PLA2G4E: variants seen among roughly 807,000 people sequenced by gnomAD.
PLA2G4E encodes cytosolic phospholipase A2 epsilon.
In PLA2G4E, 84 loss-of-function variants were observed where a neutral mutation model predicts 109.1. That is an observed-to-expected ratio of 0.77 (90% CI 0.65 to 0.92). The LOEUF (loss-of-function observed/expected upper bound fraction) is 0.92. Among genes scored for constraint, PLA2G4E ranks in the 40% least tolerant of loss-of-function variants. The probability of loss-of-function intolerance (pLI) is 0.00; values close to 1 mark genes in which losing one functional copy is unlikely to be tolerated. For synonymous variants in PLA2G4E, 469 were observed against 436.1 expected, an observed-to-expected ratio of 1.08 and a Z score of -0.94; for missense variants, 1,057 against 1,076.6, an observed-to-expected ratio of 0.98 and a Z score of 0.25.
chr15:41,988,182 G>T, intron 15 of PLA2G4E, 26 bp from the exon 16 acceptor site: 1 of 1,513,596 alleles, frequency 6.6e-7, no homozygotes, highest in Non-Finnish European at 9.0e-7. Context: ...AGCGTGAGCA[G>T]CTCCACCCTG....
At chr15:42,013,225 G>A (rs950162298) in intron 2 of PLA2G4E, among the ~76,000 whole-genome samples, 5 of 152,214 alleles carry the variant, frequency 3.3e-5, no homozygotes, top group Non-Finnish European at 5.9e-5. Context: ...GTCTTGAGAA[G>A]GGGCTCTGGG....
intron 1 of PLA2G4E, among the ~76,000 whole-genome samples, chr15:42,014,774 C>T (rs190516600): frequency 1.9e-4 from 29 of 152,318 alleles, no homozygotes; most frequent in Admixed American, 1.0e-3. Flanking sequence ...CACTGTTTCT[C>T]GCAAGAGGTC....
At chr15:42,033,077 G>C (rs1391791231) in intron 1 of PLA2G4E, among the ~76,000 whole-genome samples, 1 of 152,112 alleles carries the variant, frequency 6.6e-6, no homozygotes, top group Non-Finnish European at 1.5e-5. Context: ...TGAGTGTGCT[G>C]TGTGAATATA....
chr15:41,985,872 G>A (rs778107140), exon 18 of PLA2G4E: 1 of 1,611,292 alleles, frequency 6.2e-7, no homozygotes, highest in Non-Finnish European at 8.5e-7. Context: ...AGTTGAGGTG[G>A]ATGATGAGGT....
At chr15:41,990,176 C>G in exon 14 of PLA2G4E, 1 of 1,613,696 alleles carries the variant, frequency 6.2e-7, no homozygotes, top group South Asian at 1.1e-5. Flanking sequence ...GGTAGATGGG[C>G]AGGGGGTTCT....
intron 13 of PLA2G4E, among the ~76,000 whole-genome samples, chr15:41,990,726 C>T (rs2068230846): frequency 7.5e-6 from 1 of 133,624 alleles, no homozygotes; most frequent in South Asian, 2.7e-4. Flanking sequence ...CCCTCCCTCC[C>T]TCCCCTCCTC....
In PLA2G4E at chr15:41,999,523, C is replaced by T. The variant is rs1359966778; in HGVS notation, c.974+1G>A. ...GCACGGACAGAATGCGGGTACTATA[C>T]CAGGGTGTAGACTTCATGTGTAATT... On this transcript the variant is annotated splice_donor_variant, in intron 10 of 19. Transcript: ENST00000399518. LOFTEE classifies it high-confidence loss of function. The T allele has an allele frequency of 2.4e-5, 39 of 1,601,456 alleles. No individual in the cohort carries two copies. Among genetic ancestry groups the T allele is most frequent in the Non-Finnish European group, 3.2e-5 (37 of 1,168,814 alleles).
intron 5 of PLA2G4E, among the ~76,000 whole-genome samples, chr15:42,004,414 A>AAGGAAGGC (rs2068453114): frequency 1.1e-5 from 1 of 87,720 alleles, no homozygotes; most frequent in African/African-American, 3.4e-5. Context: ...GGAAAGAAGG[A>AAGGAAGGC]AGGAAGGCAG....
chr15:42,040,093 T>C (rs888629223), intron 1 of PLA2G4E, among the ~76,000 whole-genome samples: 3 of 152,116 alleles, frequency 2.0e-5, no homozygotes, highest in African/African-American at 7.2e-5. Context: ...TCCCAGCACT[T>C]TGGGAGGCCG....
At chr15:42,039,113 A>G (rs997447171) in intron 1 of PLA2G4E, among the ~76,000 whole-genome samples, 12 of 152,092 alleles carry the variant, frequency 7.9e-5, no homozygotes, top group African/African-American at 2.9e-4. Flanking sequence ...TCCCCCACCC[A>G]CTGCCTTCAA....
intron 1 of PLA2G4E, among the ~76,000 whole-genome samples, chr15:42,031,897 C>T (rs916499786): frequency 8.5e-5 from 13 of 152,210 alleles, no homozygotes; most frequent in Non-Finnish European, 1.8e-4. Context: ...CTCCAAATCT[C>T]ATGTTGAAAT....
chr15:42,034,048 G>A (rs1266278384), intron 1 of PLA2G4E, among the ~76,000 whole-genome samples: 2 of 152,196 alleles, frequency 1.3e-5, no homozygotes, highest in African/African-American at 4.8e-5. Context: ...CTGACCCCCT[G>A]TAGTATCTGC....
At chr15:42,009,831 G>C (rs773633776) in intron 2 of PLA2G4E, 37 of 160,746 alleles carry the variant, frequency 2.3e-4, no homozygotes, top group Non-Finnish European at 3.5e-4. Flanking sequence ...CTCCTTGCTA[G>C]CCCCTTGGGA....
At chr15:42,032,464 C>G (rs1476714104) in intron 1 of PLA2G4E, among the ~76,000 whole-genome samples, 1 of 152,220 alleles carries the variant, frequency 6.6e-6, no homozygotes, top group Non-Finnish European at 1.5e-5. Flanking sequence ...CAGATCACGT[C>G]CTGGGTTTGA....
chr15:41,991,686 AG>A (rs1214730919), intron 13 of PLA2G4E, among the ~76,000 whole-genome samples: 6 of 152,330 alleles, frequency 3.9e-5, no homozygotes, highest in African/African-American at 1.4e-4. Context: ...GGTCATTCTC[AG>A]GTGCTCAAAC....
intron 2 of PLA2G4E, among the ~76,000 whole-genome samples, chr15:42,012,797 G>T (rs1011218340): frequency 1.3e-5 from 2 of 152,210 alleles, no homozygotes; most frequent in Admixed American, 1.3e-4. Context: ...CCCCTCTCAG[G>T]CCCTCCCTAG....
At chr15:42,024,220 G>A (rs1366154209) in intron 1 of PLA2G4E, among the ~76,000 whole-genome samples, 2 of 152,184 alleles carry the variant, frequency 1.3e-5, no homozygotes, top group Non-Finnish European at 2.9e-5. Context: ...ACATCCCCAC[G>A]CCAGGGTGCG....
At position 41,987,991 on chromosome 15, in the gene PLA2G4E, T is replaced by C. The variant is rs939511140; in HGVS notation, c.1831+58A>G. On this transcript the variant is annotated intron_variant, in intron 16 of 19. Transcript: ENST00000399518. ...GGGGCCGCCCCCCATCACCCAGCCA[T>C]GAGGGAAAGCCGGTGTCACCCATCA... 9.1e-6 allele frequency: 12 copies of C among 1,314,710 alleles called. No homozygotes were observed. In the African/African-American group the frequency reaches 1.8e-4, roughly 20 times the overall value. 81.4% of individuals were successfully genotyped at this position (1,314,710 alleles called of 1,614,324 possible). A position where few individuals can be genotyped will look rare whatever the true frequency, so the allele number is the denominator to read the frequency against.
intron 3 of PLA2G4E, among the ~76,000 whole-genome samples, chr15:42,006,785 C>A (rs1158620615): frequency 2.0e-5 from 3 of 152,122 alleles, no homozygotes; most frequent in African/African-American, 7.2e-5. Flanking sequence ...GTTGAGGCTG[C>A]CTCTTAAATA....
Sources: allele counts gnomAD v4.1 joint callset (sites outside exome capture counted in the v4.1 genomes callset), GRCh38; gene constraint gnomAD v4.1.1; transcripts MANE v1.5; gene names NCBI Gene and HGNC (gene_info 2026-07-23, HGNC 2026-07-21).